The following FAF1 variants were observed in gnomAD, a reference collection of about 807,000 sequenced individuals.
FAF1 encodes the protein FAS-associated factor 1.
In FAF1, 25 loss-of-function variants were observed where a neutral mutation model predicts 92.5. The observed-to-expected ratio is 0.27, with a 90% CI of 0.20 to 0.38. FAF1 has a LOEUF of 0.38. FAF1 is among the 10% of genes least tolerant of loss of function. The pLI, the probability that FAF1 is intolerant of heterozygous loss-of-function variation, is 1.00. For synonymous variants in FAF1, 234 were observed against 273.2 expected (o/e 0.86, Z 1.42); for missense variants, 636 against 793.3 (o/e 0.80, Z 2.38).
chr1:50,582,542 T>C, intron 12 of FAF1, 76 bp downstream of exon 12: 1 of 906,442 alleles, frequency 1.1e-6, no homozygotes, highest in Admixed American at 2.2e-5. Flanking sequence ...ACAGAAAACA[T>C]TTAAGCATTG....
chr1:50,478,391 G>A (rs1646663493), intron 17 of FAF1, among the ~76,000 whole-genome samples: 1 of 152,106 alleles, frequency 6.6e-6, no homozygotes, highest in South Asian at 2.1e-4. Flanking sequence ...TCAAACTCCT[G>A]ACCTCAAGTG....
At chr1:50,573,817 CA>C (rs199900774) in intron 12 of FAF1, among the ~76,000 whole-genome samples, 48,006 of 131,854 alleles carry the variant, frequency 0.36, 8,000 homozygotes, top group Middle Eastern at 0.44. Context: ...GGGTTAAAAA[CA>C]AAAAAAAAAA....
At chr1:50,553,130 T>C (rs551741780) in intron 13 of FAF1, among the ~76,000 whole-genome samples, 1 of 151,928 alleles carries the variant, frequency 6.6e-6, no homozygotes, top group Non-Finnish European at 1.5e-5. Flanking sequence ...AAAGGGTAGA[T>C]GGGGTGAGAG....
chr1:50,909,843 G>A (rs1226538959), intron 1 of FAF1, among the ~76,000 whole-genome samples: 2 of 152,134 alleles, frequency 1.3e-5, no homozygotes, highest in Non-Finnish European at 2.9e-5. Context: ...GCTCGGAGAA[G>A]TTTGTTATTA....
chr1:50,664,572 C>T (rs532057360), intron 7 of FAF1, among the ~76,000 whole-genome samples: 24 of 148,202 alleles, frequency 1.6e-4, no homozygotes, highest in South Asian at 1.2e-3. Context: ...GGGTGGATCA[C>T]GAGGTCAGCA....
At chr1:50,694,136 A>C (rs1202813902) in intron 7 of FAF1, among the ~76,000 whole-genome samples, 1 of 144,698 alleles carries the variant, frequency 6.9e-6, no homozygotes, top group Non-Finnish European at 1.5e-5. Flanking sequence ...TACCTTATTA[A>C]GATTTCCTTG....
intron 1 of FAF1, among the ~76,000 whole-genome samples, chr1:50,901,407 G>A (rs1463038451): frequency 4.6e-5 from 7 of 152,118 alleles, no homozygotes; most frequent in Non-Finnish European, 7.4e-5. Flanking sequence ...AAAGCCAAAT[G>A]TTACAGGGCT....
chr1:50,910,494 C>A (rs1312154199), intron 1 of FAF1, among the ~76,000 whole-genome samples: 1 of 152,208 alleles, frequency 6.6e-6, no homozygotes, highest in African/African-American at 2.4e-5. Flanking sequence ...GTGGAGTCTA[C>A]AGAGGCAGGC....
In FAF1 at chr1:50,909,064, G is replaced by C. The variant is rs369006731; in HGVS notation, c.45+50703C>G. ...TTCCTTCAGAAGCTCTTGTAAGGTA[G>C]GCCTGGTGGTAACAAAATCTCTCAG... On this transcript the variant is annotated intron_variant, in intron 1 of 18. Coordinates refer to ENST00000396153, the MANE Select transcript of FAF1 (RefSeq NM_007051.3). Among the ~76,000 whole-genome samples, 28 of 152,308 alleles carry C rather than the reference G, an allele frequency of 1.8e-4. No individual in the cohort carries two copies. In the South Asian group the frequency reaches 4.6e-3, roughly 25 times the overall value.
rs186741069 is a variant in FAF1, at chr1:50,728,396, G to A, written c.551+10467C>T. 1.2e-3 allele frequency among the ~76,000 whole-genome samples: 186 copies of A among 152,282 alleles called. 1 individual carries two copies. Among genetic ancestry groups the A allele is most frequent in the Middle Eastern group, 6.8e-3 (2 of 294 alleles). On this transcript the variant is annotated intron_variant, in intron 6 of 18. Coordinates refer to ENST00000396153, the MANE Select transcript of FAF1 (RefSeq NM_007051.3). ...GTGAGCTATGAGCCAGAGGGACAGC[G>A]ATAAAAGACGAAGTTAGAGAGAAAG... is the stretch of plus-strand genomic sequence containing the variant.
chr1:50,681,650 G>C (rs1369035765), intron 7 of FAF1, among the ~76,000 whole-genome samples: 3 of 151,484 alleles, frequency 2.0e-5, no homozygotes, highest in Non-Finnish European at 4.4e-5. Flanking sequence ...TGGGATTACA[G>C]GCATGTGCCA....
intron 8 of FAF1, among the ~76,000 whole-genome samples, chr1:50,647,996 C>A (rs1248736961): frequency 6.6e-6 from 1 of 151,984 alleles, no homozygotes; most frequent in Admixed American, 6.6e-5. Flanking sequence ...CGGTGGCTCA[C>A]GCCTCCAATC....
chr1:50,892,886 CT>C (rs1644730784), intron 1 of FAF1, among the ~76,000 whole-genome samples: 1 of 152,096 alleles, frequency 6.6e-6, no homozygotes, highest in East Asian at 1.9e-4. Context: ...CTTTTTTATT[CT>C]TTTTTCTTCT....
At chr1:50,852,571 A>G (rs1644359725) in intron 2 of FAF1, among the ~76,000 whole-genome samples, 1 of 152,188 alleles carries the variant, frequency 6.6e-6, no homozygotes, top group South Asian at 2.1e-4. Flanking sequence ...GCCAGTACAG[A>G]GAAGAAAAGC....
At chr1:50,760,627 G>C (rs775577768) in intron 4 of FAF1, among the ~76,000 whole-genome samples, 22 of 152,078 alleles carry the variant, frequency 1.4e-4, no homozygotes, top group Non-Finnish European at 1.3e-4. Context: ...TAAAGATGTT[G>C]TTTGAAACCA....
At chr1:50,797,750 A>C (rs1396660226) in intron 3 of FAF1, among the ~76,000 whole-genome samples, 1 of 152,242 alleles carries the variant, frequency 6.6e-6, no homozygotes, top group Non-Finnish European at 1.5e-5. Context: ...ACGTGCCTGT[A>C]GACCCAGTTA....
intron 1 of FAF1, among the ~76,000 whole-genome samples, chr1:50,891,638 G>A (rs943425797): frequency 1.3e-5 from 2 of 152,328 alleles, no homozygotes; most frequent in Non-Finnish European, 1.5e-5. Context: ...GACCCTGTAT[G>A]CCTGGGTTTC....
At chr1:50,475,376 G>A in intron 18 of FAF1, 88 bp downstream of exon 18, 1 of 998,350 alleles carries the variant, frequency 1.0e-6, no homozygotes, top group Non-Finnish European at 1.5e-6. Flanking sequence ...CCTGCACCAT[G>A]GGACTTTTCT....
intron 1 of FAF1, among the ~76,000 whole-genome samples, chr1:50,860,285 C>G (rs1455031587): frequency 6.6e-6 from 1 of 151,938 alleles, no homozygotes; most frequent in African/African-American, 2.4e-5. Flanking sequence ...AGCTTCTGCA[C>G]AGCAAAAGAA....
Sources: allele counts gnomAD v4.1 joint callset (sites outside exome capture counted in the v4.1 genomes callset), GRCh38; gene constraint gnomAD v4.1.1; transcripts MANE v1.5; gene names NCBI Gene and HGNC (gene_info 2026-07-23, HGNC 2026-07-21).